The following EML4 variants were observed in gnomAD, a reference collection of about 807,000 sequenced individuals.
The protein encoded by EML4 is EMAP like 4, also known as echinoderm microtubule-associated protein-like 4.
EML4 carries 72 observed loss-of-function variants against 129.0 expected under a neutral mutation model. That is an observed-to-expected ratio of 0.56 (90% CI 0.46 to 0.68). The LOEUF (loss-of-function observed/expected upper bound fraction) is 0.68. EML4 is among the 30% of genes least tolerant of loss of function. The probability of loss-of-function intolerance (pLI) is 0.00; values close to 1 mark genes in which losing one functional copy is unlikely to be tolerated. For synonymous variants in EML4, 532 were observed against 405.0 expected, an observed-to-expected ratio of 1.31 and a Z score of -3.77; for missense variants, 1,363 against 1,190.6, an observed-to-expected ratio of 1.14 and a Z score of -2.13.
At chr2:42,283,032 TA>T in intron 8 of EML4, 60 bp downstream of exon 8, 1 of 1,454,544 alleles carries the variant, frequency 6.9e-7, no homozygotes, top group Non-Finnish European at 9.3e-7. Context: ...TTGTATTTTT[TA>T]AATTTGGGTT....
At chr2:42,235,295 C>CAA (rs770826722) in intron 1 of EML4, among the ~76,000 whole-genome samples, 3 of 121,796 alleles carry the variant, frequency 2.5e-5, no homozygotes, top group Non-Finnish European at 3.5e-5. Flanking sequence ...AACTCCATCT[C>CAA]AAAAAAAAAA....
intron 4 of EML4, 200 bp downstream of exon 4, chr2:42,261,494 C>G: frequency 4.0e-6 from 1 of 250,130 alleles, no homozygotes; most frequent in Non-Finnish European, 6.8e-6. Flanking sequence ...TCAGTTAAAA[C>G]TGGAAAAAAA....
chr2:42,310,181 A>G (rs1278520540), intron 17 of EML4, among the ~76,000 whole-genome samples: 1 of 152,204 alleles, frequency 6.6e-6, no homozygotes, highest in African/African-American at 2.4e-5. Flanking sequence ...ATTCTGTTCC[A>G]TAAATATGTA....
At position 42,264,744 on chromosome 2, in the gene EML4, TC is replaced by T; in HGVS notation, c.667+15del. The T allele has an allele frequency of 6.8e-7, 1 of 1,462,884 alleles. No individual in the cohort carries two copies. The highest frequency in any genetic ancestry group is 9.4e-7 in the Non-Finnish European group (1 of 1,059,524). 90.6% of individuals were successfully genotyped at this position (1,462,884 alleles called of 1,614,324 possible). On this transcript the variant is annotated intron_variant, in intron 6 of 22. Transcript: ENST00000318522. Reference sequence around the variant, plus strand: ...ATCATCAACCAAGGTAAATTAAAAATCCTTTTAAAAATTTTATTTTGCCCTT... The same window carrying T: ...ATCATCAACCAAGGTAAATTAAAAATCTTTTAAAAATTTTATTTTGCCCTT...
chr2:42,222,482 G>C (rs1443112220), intron 1 of EML4, among the ~76,000 whole-genome samples: 1 of 152,122 alleles, frequency 6.6e-6, no homozygotes, highest in African/African-American at 2.4e-5. Context: ...ATACACATTT[G>C]TATAGTTAAT....
Position 42,169,438 on chromosome 2 carries a change from G to T in EML4, c.-174G>T, listed in dbSNP as rs1450266775. ...TCAACGTGACGGGGAAGTGGTTCGGGCGGCCGCGGCTTACTACCCCAGGGC... is the reference window on the plus strand; with the variant it reads ...TCAACGTGACGGGGAAGTGGTTCGGTCGGCCGCGGCTTACTACCCCAGGGC... On this transcript the variant is annotated 5_prime_UTR_variant, in exon 1 of 23. Coordinates refer to ENST00000318522, the MANE Select transcript of EML4 (RefSeq NM_019063.5). 2 of 587,092 alleles carry T rather than the reference G, an allele frequency of 3.4e-6. No homozygotes were observed. The highest frequency in any genetic ancestry group is 3.8e-5 in the Admixed American group (1 of 26,180). The allele number at this position is 587,092 out of a possible 1,614,324, so 36.4% of individuals were successfully genotyped here.
intron 17 of EML4, among the ~76,000 whole-genome samples, chr2:42,313,814 A>G (rs554063069): frequency 9.9e-5 from 15 of 152,228 alleles, no homozygotes; most frequent in African/African-American, 3.1e-4. Flanking sequence ...CTGTAGTCCC[A>G]GCTACTTGGG....
At chr2:42,280,172 CTTCTT>C (rs1323433750) in intron 6 of EML4, among the ~76,000 whole-genome samples, 1 of 152,298 alleles carries the variant, frequency 6.6e-6, no homozygotes, top group Admixed American at 6.5e-5. Context: ...TAATCTCACT[CTTCTT>C]TTCAAGTGTT....
At chr2:42,257,015 A>G (rs1187764427) in intron 3 of EML4, among the ~76,000 whole-genome samples, 1 of 152,200 alleles carries the variant, frequency 6.6e-6, no homozygotes, top group African/African-American at 2.4e-5. Flanking sequence ...CGATATATCT[A>G]TGTTAGTGGG....
chr2:42,211,607 C>A (rs1672889352), intron 1 of EML4, among the ~76,000 whole-genome samples: 1 of 152,168 alleles, frequency 6.6e-6, no homozygotes, highest in African/African-American at 2.4e-5. Context: ...TTTAAACCTG[C>A]AGATAAAATG....
At chr2:42,248,007 C>CT (rs1675522483) in intron 2 of EML4, among the ~76,000 whole-genome samples, 1 of 151,818 alleles carries the variant, frequency 6.6e-6, no homozygotes, top group African/African-American at 2.4e-5. Context: ...TTTTTTTAAA[C>CT]TTTTTTAGGA....
At chr2:42,221,403 C>CTTTTTTTTTTTTTTTTTTTTT (rs74816568) in intron 1 of EML4, among the ~76,000 whole-genome samples, 2 of 108,256 alleles carry the variant, frequency 1.8e-5, no homozygotes, top group African/African-American at 6.6e-5. Context: ...ACATGGTTTA[C>CTTTTTTTTTTTTTTTTTTTTT]TTTTTTTTTT....
chr2:42,290,690 C>G (rs1168919356), intron 11 of EML4, among the ~76,000 whole-genome samples: 1 of 152,088 alleles, frequency 6.6e-6, no homozygotes, highest in Non-Finnish European at 1.5e-5. Flanking sequence ...TGAGATTGTG[C>G]CACTGCACTG....
chr2:42,269,433 A>G (rs997402878), intron 6 of EML4, among the ~76,000 whole-genome samples: 4 of 152,226 alleles, frequency 2.6e-5, no homozygotes, highest in African/African-American at 7.2e-5. Context: ...TTATTTTGTC[A>G]GACCCTATCC....
chr2:42,278,567 C>G, intron 6 of EML4, among the ~76,000 whole-genome samples: 1 of 111,960 alleles, frequency 8.9e-6, no homozygotes, highest in Non-Finnish European at 1.7e-5. Flanking sequence ...GAGCGGGACT[C>G]CATCTCAAAA....
chr2:42,269,328 A>T (rs1338669810), intron 6 of EML4, among the ~76,000 whole-genome samples: 1 of 152,240 alleles, frequency 6.6e-6, no homozygotes, highest in Non-Finnish European at 1.5e-5. Flanking sequence ...TTGTCATTCT[A>T]ACAGGTTACA....
chr2:42,201,644 C>T (rs1184041580), intron 1 of EML4, among the ~76,000 whole-genome samples: 1 of 152,090 alleles, frequency 6.6e-6, no homozygotes, highest in African/African-American at 2.4e-5. Context: ...CGTACTCAGC[C>T]TTGGAAAGGG....
chr2:42,319,171 A>G (rs536350965), intron 19 of EML4, among the ~76,000 whole-genome samples: 124 of 152,320 alleles, frequency 8.1e-4, no homozygotes, highest in African/African-American at 3.0e-3. Flanking sequence ...TTGTGACGTA[A>G]TGGCAGATCA....
rs146214836 is a variant in EML4, at chr2:42,213,443, C to G, written c.26-32062C>G. On this transcript the variant is annotated intron_variant, in intron 1 of 22. Coordinates refer to ENST00000318522, the MANE Select transcript of EML4 (RefSeq NM_019063.5). Reference sequence around the variant, plus strand: ...TGGAGTTTTATGAATATATCATAGTCCATTTACCCAGTCTCCTGTTGGACT... The same window carrying G: ...TGGAGTTTTATGAATATATCATAGTGCATTTACCCAGTCTCCTGTTGGACT... Among the ~76,000 whole-genome samples the G allele has an allele frequency of 7.2e-3, 1,096 of 152,196 alleles. 15 individuals carry two copies. The highest frequency in any genetic ancestry group is 0.025 in the African/African-American group (1,044 of 41,530).
Sources: gnomAD v4.1 joint callset for allele counts (sites outside exome capture counted in the v4.1 genomes callset) on GRCh38, gnomAD v4.1.1 for gene constraint, MANE v1.5 for transcripts, NCBI Gene and HGNC (gene_info 2026-07-23, HGNC 2026-07-21) for gene names.